The following TMTC1 variants were observed in gnomAD, a reference collection of about 807,000 sequenced individuals.
TMTC1 encodes transmembrane O-mannosyltransferase targeting cadherins 1.
TMTC1 carries 73 observed loss-of-function variants against 104.8 expected under a neutral mutation model. That is an observed-to-expected ratio of 0.70 (90% CI 0.58 to 0.85). The LOEUF (loss-of-function observed/expected upper bound fraction) is 0.85, where lower values mean the gene tolerates loss of function less well. TMTC1 is among the 40% of genes least tolerant of loss of function. The pLI is 0.00. For synonymous variants in TMTC1, 434 were observed against 428.7 expected, an observed-to-expected ratio of 1.01 and a Z score of -0.15; for missense variants, 1,035 against 1,096.1, an observed-to-expected ratio of 0.94 and a Z score of 0.79.
intron 11 of TMTC1, among the ~76,000 whole-genome samples, chr12:29,528,914 C>CA (rs371129485): frequency 0.023 from 3,473 of 150,804 alleles, 140 homozygotes; most frequent in African/African-American, 0.079. Context: ...ATTTTCAAAG[C>CA]AAAAAAAATA....
chr12:29,548,014 C>T (rs1944985415), intron 10 of TMTC1, among the ~76,000 whole-genome samples: 1 of 152,184 alleles, frequency 6.6e-6, no homozygotes, highest in South Asian at 2.1e-4. Flanking sequence ...TGAACAGGTG[C>T]AAAGGAGAAG....
intron 5 of TMTC1, among the ~76,000 whole-genome samples, chr12:29,750,265 G>A (rs1316135343): frequency 6.6e-6 from 1 of 152,046 alleles, no homozygotes; most frequent in Non-Finnish European, 1.5e-5. Context: ...CATCTTCACT[G>A]GCAATTCACC....
chr12:29,716,578 C>A (rs1942088323), intron 5 of TMTC1, among the ~76,000 whole-genome samples: 2 of 151,906 alleles, frequency 1.3e-5, no homozygotes, highest in African/African-American at 2.4e-5. Flanking sequence ...AAAAATCATA[C>A]TAATTTATTT....
At chr12:29,507,792 G>A (rs982586051) in intron 17 of TMTC1, among the ~76,000 whole-genome samples, 7 of 151,918 alleles carry the variant, frequency 4.6e-5, no homozygotes, top group East Asian at 1.9e-4. Context: ...TCCCTTATTC[G>A]TTCCACCCTC....
intron 4 of TMTC1, among the ~76,000 whole-genome samples, chr12:29,753,449 G>A (rs192810132): frequency 1.3e-3 from 199 of 152,318 alleles, no homozygotes; most frequent in Non-Finnish European, 2.4e-3. Context: ...GGAGCCACGC[G>A]GACATGGGTT....
intron 2 of TMTC1, 36 bp downstream of exon 2, chr12:29,767,862 A>T: frequency 6.2e-7 from 1 of 1,602,824 alleles, no homozygotes; most frequent in Middle Eastern, 1.7e-4. Flanking sequence ...ACACACATTC[A>T]TATTCGTTAT....
At chr12:29,762,483 G>C (rs61680788) in intron 2 of TMTC1, among the ~76,000 whole-genome samples, 15,498 of 152,046 alleles carry the variant, frequency 0.1, 820 homozygotes, top group African/African-American at 0.14. Context: ...TTACACGTAC[G>C]GTATCTTAAT....
Position 29,502,079 on chromosome 12 carries a change from T to C in TMTC1, c.*4767A>G, listed in dbSNP as rs2136113550. The C allele has an allele frequency of 6.6e-6, 1 of 152,306 alleles. No individual in the cohort carries two copies. Among genetic ancestry groups the C allele is most frequent in the African/African-American group, 2.4e-5 (1 of 41,580 alleles). The allele number at this position is 152,306 out of a possible 1,614,324, so 9.4% of individuals were successfully genotyped here. The stretch of plus-strand genomic sequence containing the variant: ...TTTTTGACATCCTAAGCTTTTATCT[T>C]ATTCAACTGCAACCTCAATGCTAGA... On this transcript the variant is annotated 3_prime_UTR_variant, in exon 18 of 18. Transcript: ENST00000539277.
In TMTC1 at chr12:29,518,528, C is replaced by T. The variant is rs1261144263; in HGVS notation, c.1968G>A (p.Leu656=). 1 of 1,614,098 alleles carries T rather than the reference C, an allele frequency of 6.2e-7. No homozygotes were observed. Among genetic ancestry groups the T allele is most frequent in the Non-Finnish European group, 8.5e-7 (1 of 1,179,990 alleles). The change falls in exon 13 of 18, where the codon TTG becomes TTA. Residue 656 remains leucine, a synonymous_variant. Transcript: ENST00000539277. ...CTCCCAGTGACCTGTAGAGTCTTCCCAAGTTCACCATGGCCACGTGATGAC... is the reference window on the plus strand; with the variant it reads ...CTCCCAGTGACCTGTAGAGTCTTCCTAAGTTCACCATGGCCACGTGATGAC... The part of the protein sequence containing the change: ...SPSHHVAMVN[L]GRLYRSLGEN...
chr12:29,643,119 C>T (rs1483843714), intron 5 of TMTC1, among the ~76,000 whole-genome samples: 1 of 151,912 alleles, frequency 6.6e-6, no homozygotes, highest in East Asian at 1.9e-4. Context: ...GGGAGAATGG[C>T]CATAATCAAA....
intron 3 of TMTC1, 78 bp from the exon 4 acceptor site, chr12:29,755,963 A>G: frequency 7.1e-7 from 1 of 1,406,726 alleles, no homozygotes; most frequent in Non-Finnish European, 9.7e-7. Context: ...TAAAGATAAG[A>G]TCTAATGTCA....
Position 29,516,380 on chromosome 12 carries a change from G to A in TMTC1, c.2276C>T (p.Ala759Val). 1 of 1,613,704 alleles carries A rather than the reference G, an allele frequency of 6.2e-7. No individual in the cohort carries two copies. Residue 759 changes from alanine (A) to valine (V), a missense_variant, in exon 15 of 18, where the codon GCC (alanine) becomes GTC (valine). Physicochemically the swap from Ala to Val is moderately conservative, Grantham distance 64. Transcript: ENST00000539277. ...GTGGTTCTCCTGCTTGCTATAGATGGCTGACAAGAGGCGATAGCATTCAAG... is the reference window on the plus strand; with the variant it reads ...GTGGTTCTCCTGCTTGCTATAGATGACTGACAAGAGGCGATAGCATTCAAG... ...GCLECYRLLS[A>V]IYSKQENHDK...
At chr12:29,771,102 C>T (rs1316752443) in intron 1 of TMTC1, among the ~76,000 whole-genome samples, 2 of 152,092 alleles carry the variant, frequency 1.3e-5, no homozygotes, top group African/African-American at 4.8e-5. Context: ...TCTGATATTA[C>T]CTCTGTTCTG....
intron 5 of TMTC1, among the ~76,000 whole-genome samples, chr12:29,637,883 ATCTT>A (rs2136527883): frequency 6.6e-6 from 1 of 152,258 alleles, no homozygotes; most frequent in East Asian, 1.9e-4. Flanking sequence ...TGCTCATAGG[ATCTT>A]TCTTTTACTT....
chr12:29,624,781 C>A (rs1004087113), intron 6 of TMTC1, among the ~76,000 whole-genome samples: 8 of 152,166 alleles, frequency 5.3e-5, no homozygotes, highest in Admixed American at 5.2e-4. Context: ...GCAGGTGGGA[C>A]TTTCATTTTG....
At chr12:29,713,522 C>A (rs1941995979) in intron 5 of TMTC1, among the ~76,000 whole-genome samples, 1 of 152,000 alleles carries the variant, frequency 6.6e-6, no homozygotes, top group South Asian at 2.1e-4. Flanking sequence ...CATAAATTTG[C>A]AAAATGTTTA....
chr12:29,542,603 G>A (rs1410880199), intron 10 of TMTC1, among the ~76,000 whole-genome samples: 1 of 152,130 alleles, frequency 6.6e-6, no homozygotes, highest in Non-Finnish European at 1.5e-5. Flanking sequence ...GCAGGTCTTG[G>A]TGGGGCCCAG....
At chr12:29,531,908 T>C (rs946014828) in intron 11 of TMTC1, among the ~76,000 whole-genome samples, 11 of 152,174 alleles carry the variant, frequency 7.2e-5, no homozygotes, top group African/African-American at 2.7e-4. Flanking sequence ...CACAGTCTAT[T>C]CATGGGGTCC....
intron 5 of TMTC1, chr12:29,661,022 A>C (rs902359702): frequency 5.1e-6 from 2 of 393,042 alleles, no homozygotes; most frequent in Non-Finnish European, 8.2e-6. Flanking sequence ...GAGCCAGAAC[A>C]CCTGGGTTTC....
Sources: gnomAD v4.1 joint callset for allele counts (sites outside exome capture counted in the v4.1 genomes callset) on GRCh38, gnomAD v4.1.1 for gene constraint, MANE v1.5 for transcripts, NCBI Gene and HGNC (gene_info 2026-07-23, HGNC 2026-07-21) for gene names.